NTRK2: variants seen among roughly 807,000 people sequenced by gnomAD.
NTRK2 encodes the protein neurotrophic receptor tyrosine kinase 2.
NTRK2 carries 13 observed loss-of-function variants against 94.5 expected under a neutral mutation model. The observed-to-expected ratio is 0.14, with a 90% CI of 0.09 to 0.22. The LOEUF (loss-of-function observed/expected upper bound fraction) is 0.22. NTRK2 is among the 10% of genes least tolerant of loss of function. The probability of loss-of-function intolerance (pLI) is 1.00; values close to 1 mark genes in which losing one functional copy is unlikely to be tolerated. For missense variants in NTRK2, 639 were observed against 1,071.2 expected, an observed-to-expected ratio of 0.60 and a Z score of 5.63; for synonymous variants, 372 against 407.4, an observed-to-expected ratio of 0.91 and a Z score of 1.05.
intron 12 of NTRK2, chr9:84,812,485 T>C (rs2071918426): frequency 1.9e-6 from 2 of 1,049,536 alleles, no homozygotes. Context: ...TCCCATTTTC[T>C]TGTTCGCGGC....
intron 17 of NTRK2, among the ~76,000 whole-genome samples, chr9:85,013,581 T>A (rs1831879841): frequency 6.6e-6 from 1 of 152,154 alleles, no homozygotes; most frequent in African/African-American, 2.4e-5. Context: ...TTACAGACCC[T>A]GTTTTTAACC....
At chr9:84,931,371 C>T (rs2078020206) in intron 14 of NTRK2, among the ~76,000 whole-genome samples, 1 of 151,228 alleles carries the variant, frequency 6.6e-6, no homozygotes, top group Admixed American at 6.6e-5. Context: ...TGTTCCACTG[C>T]ACTCCAGCCT....
chr9:85,022,156 A>G lies in NTRK2; in HGVS notation c.*719A>G. ...ACAACCACTGGGATCAGCTGGTGTC[A>G]GTCCCTACTTAGGAAATACTCAGCA... On this transcript the variant is annotated 3_prime_UTR_variant, in exon 19 of 19. Coordinates refer to ENST00000277120, the MANE Select transcript of NTRK2 (RefSeq NM_006180.6). 2 of 233,402 alleles carry G rather than the reference A, an allele frequency of 8.6e-6. No homozygotes were observed. The highest frequency in any genetic ancestry group is 8.5e-6 in the Non-Finnish European group (1 of 118,124). 14.5% of individuals were successfully genotyped at this position (233,402 alleles called of 1,614,324 possible). A position where few individuals can be genotyped will look rare whatever the true frequency, so the allele number is the denominator to read the frequency against.
At chr9:84,824,113 A>G (rs1368867103) in intron 12 of NTRK2, among the ~76,000 whole-genome samples, 2 of 152,228 alleles carry the variant, frequency 1.3e-5, no homozygotes, top group African/African-American at 4.8e-5. Context: ...CCCTGAGCTT[A>G]GGGAGCTGGG....
intron 12 of NTRK2, among the ~76,000 whole-genome samples, chr9:84,821,086 C>A (rs1012936919): frequency 6.6e-6 from 1 of 151,982 alleles, no homozygotes; most frequent in African/African-American, 2.4e-5. Flanking sequence ...AGTATCCCTG[C>A]CCTTGTAACC....
At chr9:84,725,757 T>A (rs1395153901) in intron 8 of NTRK2, among the ~76,000 whole-genome samples, 1 of 151,820 alleles carries the variant, frequency 6.6e-6, no homozygotes. Flanking sequence ...TTAAAAACTT[T>A]TGTTTTCCAA....
chr9:84,925,032 T>C (rs2077707018), intron 14 of NTRK2, among the ~76,000 whole-genome samples: 1 of 152,176 alleles, frequency 6.6e-6, no homozygotes, highest in Non-Finnish European at 1.5e-5. Context: ...CACTTGCTCC[T>C]TCGGTGCCCC....
intron 12 of NTRK2, among the ~76,000 whole-genome samples, chr9:84,829,747 T>C (rs2073416233): frequency 1.3e-5 from 2 of 152,152 alleles, no homozygotes; most frequent in Admixed American, 1.3e-4. Context: ...TGTTCAGGGA[T>C]TTATGATGCT....
chr9:84,795,311 A>G (rs1020522638), intron 12 of NTRK2, among the ~76,000 whole-genome samples: 5 of 152,148 alleles, frequency 3.3e-5, no homozygotes, highest in South Asian at 2.1e-4. Context: ...GACCCCCAAC[A>G]CTAAGACCAC....
At chr9:85,018,070 G>A (rs904650532) in intron 17 of NTRK2, among the ~76,000 whole-genome samples, 1 of 151,902 alleles carries the variant, frequency 6.6e-6, no homozygotes, top group African/African-American at 2.4e-5. Flanking sequence ...TATCTTAAGA[G>A]GTTCCCATAA....
At chr9:84,697,816 A>G (rs1588021935) in intron 2 of NTRK2, among the ~76,000 whole-genome samples, 1 of 152,098 alleles carries the variant, frequency 6.6e-6, no homozygotes, top group South Asian at 2.1e-4. Context: ...GGAACCAAGA[A>G]CTTGAGCTCG....
chr9:84,813,665 T>C, intron 12 of NTRK2: 1 of 1,066,116 alleles, frequency 9.4e-7, no homozygotes, highest in Non-Finnish European at 1.1e-6. Flanking sequence ...TCTGCACCAA[T>C]GTCTCCCCTC....
intron 14 of NTRK2, among the ~76,000 whole-genome samples, chr9:84,884,639 G>A (rs556029081): frequency 6.6e-6 from 1 of 152,314 alleles, no homozygotes; most frequent in South Asian, 2.1e-4. Context: ...TGTGAGTCTT[G>A]TGCAAAATTG....
At chr9:84,877,425 G>C (rs1490374488) in intron 14 of NTRK2, 4 of 1,065,978 alleles carry the variant, frequency 3.8e-6, no homozygotes, top group Non-Finnish European at 4.5e-6. Flanking sequence ...ACTTTGAGTG[G>C]GTGGGTATGG....
rs531206896 is a variant in NTRK2, at chr9:84,829,625, G to A, written c.1397-31415G>A. Reference sequence around the variant, plus strand: ...GATGTTCCGCCTGTTTGCATGCTGGGCCGTTGTTGGACTCTGCACCACCCG... The same window carrying A: ...GATGTTCCGCCTGTTTGCATGCTGGACCGTTGTTGGACTCTGCACCACCCG... On this transcript the variant is annotated intron_variant, in intron 12 of 18. Coordinates refer to ENST00000277120, the MANE Select transcript of NTRK2 (RefSeq NM_006180.6). Among the ~76,000 whole-genome samples, 5 of 152,292 alleles carry A rather than the reference G, an allele frequency of 3.3e-5. No individual in the cohort carries two copies. The East Asian group carries it at 9.7e-4, about 29-fold the overall frequency.
chr9:84,746,793 T>A (rs1588327659), intron 11 of NTRK2, among the ~76,000 whole-genome samples: 1 of 152,180 alleles, frequency 6.6e-6, no homozygotes, highest in South Asian at 2.1e-4. Context: ...TTCAGCTAGG[T>A]GGCCAGCATG....
intron 14 of NTRK2, among the ~76,000 whole-genome samples, chr9:84,924,284 A>AAAGG (rs1359905185): frequency 6.6e-6 from 1 of 151,860 alleles, no homozygotes; most frequent in Non-Finnish European, 1.5e-5. Context: ...AGAAAGAAAG[A>AAAGG]AAGAAAGAAA....
At chr9:84,945,090 G>A (rs1273554473) in intron 15 of NTRK2, among the ~76,000 whole-genome samples, 3 of 152,164 alleles carry the variant, frequency 2.0e-5, no homozygotes, top group Admixed American at 6.5e-5. Context: ...CAAGTTTGGG[G>A]CCAACTCTCC....
At chr9:84,744,909 T>C (rs1386115765) in intron 10 of NTRK2, 64 bp from the exon 11 acceptor site, 2 of 1,088,242 alleles carry the variant, frequency 1.8e-6, no homozygotes, top group African/African-American at 1.5e-5. Context: ...ACTGTGGCCC[T>C]GTGTTTGTTG....
Sources: gnomAD v4.1 joint callset for allele counts (sites outside exome capture counted in the v4.1 genomes callset) on GRCh38, gnomAD v4.1.1 for gene constraint, MANE v1.5 for transcripts, NCBI Gene and HGNC (gene_info 2026-07-23, HGNC 2026-07-21) for gene names.